GABBR2: variants seen among roughly 807,000 people sequenced by gnomAD.
The protein encoded by GABBR2 is G-protein coupled receptor 51.
A neutral mutation model predicts 105.6 loss-of-function variants in GABBR2; 23 were observed. The observed-to-expected ratio is 0.22, with a 90% CI of 0.16 to 0.31. GABBR2 has a LOEUF of 0.31. Among genes scored for constraint, GABBR2 ranks in the 10% least tolerant of loss-of-function variants. GABBR2 has a pLI of 1.00. For missense variants in GABBR2, 734 were observed against 1,245.5 expected (o/e 0.59, Z 6.18); for synonymous variants, 478 against 499.7 (o/e 0.96, Z 0.58).
At chr9:98,474,791 G>T (rs537955183) in intron 5 of GABBR2, among the ~76,000 whole-genome samples, 8 of 152,128 alleles carry the variant, frequency 5.3e-5, no homozygotes, top group Admixed American at 2.0e-4. Context: ...GGAGGCCAGA[G>T]CTCCCAACAA....
chr9:98,605,684 A>T (rs983959959), intron 1 of GABBR2, among the ~76,000 whole-genome samples: 4 of 152,204 alleles, frequency 2.6e-5, no homozygotes, highest in African/African-American at 9.6e-5. Flanking sequence ...TAAGCAGACT[A>T]GTCATGAGAC....
chr9:98,563,142 C>T (rs1828700427), intron 2 of GABBR2, among the ~76,000 whole-genome samples: 1 of 146,106 alleles, frequency 6.8e-6, no homozygotes, highest in Non-Finnish European at 1.5e-5. Context: ...CTCCAACTTA[C>T]TGAAATACAG....
chr9:98,459,750 T>C (rs1039958464), intron 6 of GABBR2, among the ~76,000 whole-genome samples: 2 of 152,200 alleles, frequency 1.3e-5, no homozygotes, highest in Admixed American at 1.3e-4. Flanking sequence ...AGGATTTCAG[T>C]TGAGAACATT....
chr9:98,436,793 C>T (rs1825934731), intron 7 of GABBR2, among the ~76,000 whole-genome samples: 1 of 152,094 alleles, frequency 6.6e-6, no homozygotes, highest in Non-Finnish European at 1.5e-5. Context: ...TAGTTCATCA[C>T]AGTAATCAAG....
At chr9:98,483,577 C>T (rs1225102857) in intron 4 of GABBR2, among the ~76,000 whole-genome samples, 1 of 152,236 alleles carries the variant, frequency 6.6e-6, no homozygotes, top group Admixed American at 6.5e-5. Context: ...TCACATTTCT[C>T]ATACCCTGCC....
At chr9:98,501,056 G>C (rs772259477) in intron 3 of GABBR2, among the ~76,000 whole-genome samples, 1 of 151,922 alleles carries the variant, frequency 6.6e-6, no homozygotes, top group Non-Finnish European at 1.5e-5. Context: ...TTTTCCCCTC[G>C]GTTAGGAGAC....
intron 7 of GABBR2, among the ~76,000 whole-genome samples, chr9:98,413,816 G>A (rs1832633387): frequency 6.6e-6 from 1 of 152,216 alleles, no homozygotes. Context: ...ATGGCTGGGT[G>A]GATGGCCCAG....
intron 1 of GABBR2, among the ~76,000 whole-genome samples, chr9:98,684,557 T>C (rs1156364058): frequency 1.3e-5 from 2 of 152,236 alleles, no homozygotes; most frequent in Non-Finnish European, 2.9e-5. Context: ...TCCATTGGCA[T>C]GATATTGGCT....
intron 3 of GABBR2, among the ~76,000 whole-genome samples, chr9:98,541,061 CA>C (rs1350149027): frequency 6.6e-6 from 1 of 152,152 alleles, no homozygotes; most frequent in Admixed American, 6.5e-5. Flanking sequence ...ATGGTTGTCC[CA>C]TTGAAAAGTG....
At chr9:98,323,028 C>T (rs772767698) in intron 13 of GABBR2, among the ~76,000 whole-genome samples, 4 of 152,112 alleles carry the variant, frequency 2.6e-5, no homozygotes, top group Non-Finnish European at 4.4e-5. Flanking sequence ...ACCGCAGACA[C>T]GAGCGCCAGC....
At chr9:98,574,651 T>C (rs1030094850) in intron 2 of GABBR2, among the ~76,000 whole-genome samples, 1 of 152,230 alleles carries the variant, frequency 6.6e-6, no homozygotes, top group Non-Finnish European at 1.5e-5. Flanking sequence ...CAGTGGTAAA[T>C]AACTAACACA....
intron 6 of GABBR2, among the ~76,000 whole-genome samples, chr9:98,457,854 AG>A (rs1222152946): frequency 6.6e-6 from 1 of 152,228 alleles, no homozygotes; most frequent in Non-Finnish European, 1.5e-5. Context: ...TTCTTAAAGC[AG>A]GCCTCCAATT....
intron 1 of GABBR2, chr9:98,581,113 G>T (rs1828995436): frequency 6.6e-6 from 1 of 152,558 alleles, no homozygotes; most frequent in African/African-American, 2.4e-5. Flanking sequence ...GGGGCACGCA[G>T]TCACCTCCCG....
At chr9:98,517,502 C>A (rs796187535) in intron 3 of GABBR2, among the ~76,000 whole-genome samples, 1 of 152,180 alleles carries the variant, frequency 6.6e-6, no homozygotes, top group Non-Finnish European at 1.5e-5. Flanking sequence ...GAGCCCGAAA[C>A]GCAGCTGCTT....
At chr9:98,503,049 C>T (rs1199205931) in intron 3 of GABBR2, among the ~76,000 whole-genome samples, 1 of 152,202 alleles carries the variant, frequency 6.6e-6, no homozygotes, top group Non-Finnish European at 1.5e-5. Context: ...GGGCAAGAGG[C>T]ATTCATCAGC....
At chr9:98,653,719 GCACACA>G (rs34694230) in intron 1 of GABBR2, among the ~76,000 whole-genome samples, 197 of 150,240 alleles carry the variant, frequency 1.3e-3, no homozygotes, top group African/African-American at 4.5e-3. Flanking sequence ...GAGGTTTTCA[GCACACA>G]CACACACACA....
rs563379934 is a variant in GABBR2, at chr9:98,651,693, A to G, written c.321+56724T>C. On this transcript the variant is annotated intron_variant, in intron 1 of 18. Transcript: ENST00000259455. Reference sequence around the variant, plus strand: ...GTGATCCTCCCACCTCAGCCTCCCAAAGTGCTGGAATTATAGGTGTGAGCC... The same window carrying G: ...GTGATCCTCCCACCTCAGCCTCCCAGAGTGCTGGAATTATAGGTGTGAGCC... Among the ~76,000 whole-genome samples the G allele has an allele frequency of 1.9e-4, 29 of 152,240 alleles. 1 individual carries two copies. The South Asian group carries it at 6.0e-3, about 32-fold the overall frequency.
chr9:98,473,052 C>T (rs1449779126), intron 6 of GABBR2, 94 bp downstream of exon 6: 35 of 910,928 alleles, frequency 3.8e-5, no homozygotes, highest in Non-Finnish European at 5.6e-5. Context: ...CAAAGTGACA[C>T]AGGACAATAA....
chr9:98,441,108 C>T (rs1425355047), intron 7 of GABBR2, among the ~76,000 whole-genome samples: 1 of 152,150 alleles, frequency 6.6e-6, no homozygotes, highest in Non-Finnish European at 1.5e-5. Flanking sequence ...TAAAAATGCA[C>T]ATTCTTAGGT....
Sources: gnomAD v4.1 joint callset for allele counts (sites outside exome capture counted in the v4.1 genomes callset) on GRCh38, gnomAD v4.1.1 for gene constraint, MANE v1.5 for transcripts, NCBI Gene and HGNC (gene_info 2026-07-23, HGNC 2026-07-21) for gene names.